CELA3A: variants seen among roughly 807,000 people sequenced by gnomAD.
CELA3A encodes the protein chymotrypsin like elastase 3A.
A neutral mutation model predicts 38.6 loss-of-function variants in CELA3A; 35 were observed. That is an observed-to-expected ratio of 0.91 (90% confidence interval 0.69 to 1.20). CELA3A has a LOEUF of 1.20. Among genes scored for constraint, CELA3A ranks in the 50% most tolerant of loss-of-function variants. The pLI is 0.00. For synonymous variants in CELA3A, 143 were observed against 136.7 expected, an observed-to-expected ratio of 1.05 and a Z score of -0.32; for missense variants, 343 against 354.2, an observed-to-expected ratio of 0.97 and a Z score of 0.25.
intron 1 of CELA3A, 42 bp downstream of exon 1, chr1:22,001,759 G>C (rs774649414): frequency 5.0e-6 from 8 of 1,608,998 alleles, no homozygotes; most frequent in Non-Finnish European, 6.8e-6. Flanking sequence ...GGCTGCCCTG[G>C]ACTAGGAATC....
In CELA3A at chr1:22,011,797, G is replaced by C. The variant is rs1274700151; in HGVS notation, c.796-653G>C. Reference sequence around the variant, plus strand: ...AGGCCGGGCGTGGTGGCTCACACCCGTAATCCCACCACTTTGGGAGGCCGA... The same window carrying C: ...AGGCCGGGCGTGGTGGCTCACACCCCTAATCCCACCACTTTGGGAGGCCGA... On this transcript the variant is annotated intron_variant, in intron 7 of 7. Transcript: ENST00000290122. Among the ~76,000 whole-genome samples, 2 of 124,844 alleles carry C rather than the reference G, an allele frequency of 1.6e-5. 1 individual carries two copies. Among genetic ancestry groups the C allele is most frequent in the African/African-American group, 6.6e-5 (2 of 30,440 alleles). 81.9% of individuals were successfully genotyped at this position (124,844 alleles called of 152,430 possible). A position where few individuals can be genotyped will look rare whatever the true frequency, so the allele number is the denominator to read the frequency against.
chr1:22,007,346 C>T (rs1644957223), intron 5 of CELA3A, 27 bp from the exon 6 acceptor site: 3 of 1,596,266 alleles, frequency 1.9e-6, no homozygotes, highest in East Asian at 2.2e-5. Flanking sequence ...CCCCAGACCC[C>T]TGACTCGGTG....
chr1:22,007,281 CAGA>C lies in CELA3A; in HGVS notation c.500-87_500-85del, dbSNP rs1374797400. ...GGTGGGAGGAGAGTCCTCATCAGGG[CAGA>C]AGAACTGTGGGCCTTGAATGCCCCC... On this transcript the variant is annotated intron_variant, in intron 5 of 7. Transcript: ENST00000290122. The C allele has an allele frequency of 8.0e-6, 12 of 1,504,706 alleles. No homozygotes were observed. The East Asian group carries it at 1.4e-4, about 17-fold the overall frequency. 93.2% of individuals were successfully genotyped at this position (1,504,706 alleles called of 1,614,324 possible).
rs375436924 is a variant in CELA3A at position 22,005,812 on chromosome 1, G to A, written c.362+16G>A. The A allele has an allele frequency of 7.2e-5, 116 of 1,610,222 alleles. 1 individual carries two copies. Among genetic ancestry groups the A allele is most frequent in the Middle Eastern group, 2.2e-4 (1 of 4,538 alleles). On this transcript the variant is annotated intron_variant, in intron 4 of 7. Coordinates refer to ENST00000290122, the MANE Select transcript of CELA3A (RefSeq NM_005747.5). ...TGGCCTGTGGGTGAGTGAATGCTCC[G>A]GTCTGGAACCCAGGGGCTCCTCTAC...
chr1:22,004,206 G>A lies in CELA3A; in HGVS notation c.129+1118G>A, dbSNP rs180914217. On this transcript the variant is annotated intron_variant, in intron 2 of 7. Coordinates refer to ENST00000290122, the MANE Select transcript of CELA3A (RefSeq NM_005747.5). ...CCCACCTCAGCCTCCTGTGTAGCTA[G>A]GACTACAGGCATGCGCCACCATGCC... 1.1e-3 allele frequency among the ~76,000 whole-genome samples: 166 copies of A among 150,168 alleles called. 5 individuals are homozygous for A. The highest frequency in any genetic ancestry group is 3.9e-3 in the African/African-American group (158 of 40,352).
rs1644942750 is a variant in CELA3A at position 22,005,333 on chromosome 1, T to C, written c.130-114T>C. On this transcript the variant is annotated intron_variant, in intron 2 of 7. Transcript: ENST00000290122. ...GCATATTTCAGTGGGTGCTCTCGTT[T>C]TCCATGTGAATGGCGCCCTCTAGAG... The C allele has an allele frequency of 1.3e-5, 17 of 1,310,096 alleles. No homozygotes were observed. The South Asian group carries it at 2.1e-4, about 16-fold the overall frequency. The allele number at this position is 1,310,096 out of a possible 1,614,324, so 81.2% of individuals were successfully genotyped here.
At chr1:22,003,856 C>T (rs773360438) in intron 2 of CELA3A, among the ~76,000 whole-genome samples, 1 of 150,448 alleles carries the variant, frequency 6.6e-6, no homozygotes, top group South Asian at 2.1e-4. Flanking sequence ...AGGCACGCGC[C>T]ACCAAGCCCG....
In CELA3A at chr1:22,004,050, T is replaced by C. The variant is rs1203694816; in HGVS notation, c.129+962T>C. ...TGTTAACAATTCATTTCCTCAGTGC[T>C]TTTTTCTTTTCTTTTCTTTTCTTTG... On this transcript the variant is annotated intron_variant, in intron 2 of 7. Coordinates refer to ENST00000290122, the MANE Select transcript of CELA3A (RefSeq NM_005747.5). Among the ~76,000 whole-genome samples, 2 of 143,990 alleles carry C rather than the reference T, an allele frequency of 1.4e-5. 1 individual carries two copies. Among genetic ancestry groups the C allele is most frequent in the East Asian group, 4.0e-4 (2 of 4,966 alleles). The allele number at this position is 143,990 out of a possible 152,430, so 94.5% of individuals were successfully genotyped here.
At chr1:22,006,164 G>T (rs1644948868) in intron 4 of CELA3A, 1 of 251,700 alleles carries the variant, frequency 4.0e-6, no homozygotes, top group African/African-American at 2.2e-5. Flanking sequence ...TGCATCCTGG[G>T]CTCCCAGCAC....
chr1:22,008,587 G>A (rs1447826772), intron 6 of CELA3A, among the ~76,000 whole-genome samples: 2 of 150,312 alleles, frequency 1.3e-5, no homozygotes, highest in Non-Finnish European at 3.0e-5. Flanking sequence ...GTGAAACCTC[G>A]TCTCTACTAA....
chr1:22,003,790 C>T (rs377336767), intron 2 of CELA3A, among the ~76,000 whole-genome samples: 2 of 151,002 alleles, frequency 1.3e-5, no homozygotes, highest in African/African-American at 4.9e-5. Context: ...ACTGCAAACT[C>T]TGCCACCCGG....
At chr1:22,004,848 C>T (rs1644939510) in intron 2 of CELA3A, among the ~76,000 whole-genome samples, 2 of 151,146 alleles carry the variant, frequency 1.3e-5, no homozygotes, top group Non-Finnish European at 2.9e-5. Context: ...GCCTGTAATC[C>T]CAGCACTTCG....
chr1:22,010,180 G>C (rs952375294), intron 7 of CELA3A: 1 of 393,540 alleles, frequency 2.5e-6, no homozygotes, highest in African/African-American at 2.2e-5. Flanking sequence ...GCCTGGTGGG[G>C]GACAGGTGAT....
At chr1:22,009,603 G>T in intron 6 of CELA3A, 102 bp from the exon 7 acceptor site, 6 of 1,416,008 alleles carry the variant, frequency 4.2e-6, no homozygotes, top group Non-Finnish European at 5.8e-6. Flanking sequence ...AGGCTCAGAG[G>T]TGTCAAGTAA....
chr1:22,003,459 T>C (rs567361140), intron 2 of CELA3A, among the ~76,000 whole-genome samples: 9 of 150,744 alleles, frequency 6.0e-5, no homozygotes, highest in South Asian at 2.1e-4. Context: ...GAGTGAGGGA[T>C]CTTGTAAGGC....
chr1:22,007,758 G>C lies in CELA3A; in HGVS notation c.642+243G>C, dbSNP rs534777014. Among the ~76,000 whole-genome samples, 4 of 151,324 alleles carry C rather than the reference G, an allele frequency of 2.6e-5. No homozygotes were observed. In the South Asian group the frequency reaches 6.3e-4, roughly 24 times the overall value. ...TTGGGACAAGTCACTGTGTCTCCCTGGTCCTCAGGCTTCCGCATCAGCACA... is the reference window on the plus strand; with the variant it reads ...TTGGGACAAGTCACTGTGTCTCCCTCGTCCTCAGGCTTCCGCATCAGCACA... On this transcript the variant is annotated intron_variant, in intron 6 of 7. Coordinates refer to ENST00000290122, the MANE Select transcript of CELA3A (RefSeq NM_005747.5).
At chr1:22,006,844 G>T (rs1557873343) in intron 4 of CELA3A, 34 bp from the exon 5 acceptor site, 1 of 1,605,322 alleles carries the variant, frequency 6.2e-7, no homozygotes, top group Non-Finnish European at 8.5e-7. Context: ...GCCGGCTGGA[G>T]GACCAGGCCC....
chr1:22,005,703 T>A lies in CELA3A; in HGVS notation c.269T>A (p.Leu90His). 7.4e-6 allele frequency: 12 copies of A among 1,612,184 alleles called. No individual in the cohort carries two copies. Among genetic ancestry groups the A allele is most frequent in the Non-Finnish European group, 1.0e-5 (12 of 1,179,416 alleles). Residue 90 changes from leucine to histidine, a missense_variant, in exon 4 of 8, where the codon CTT becomes CAT. Transcript: ENST00000290122. Reference protein sequence around the residue: ...TYQVVLGEYNLAVKEGPEQVI... With the variant: ...TYQVVLGEYNHAVKEGPEQVI... ...CAGGTGGTGTTGGGTGAGTACAACC[T>A]TGCTGTGAAGGAGGGCCCCGAGCAG...
chr1:22,009,577 A>G, intron 6 of CELA3A, 128 bp from the exon 7 acceptor site: 1 of 1,208,112 alleles, frequency 8.3e-7, no homozygotes, highest in Non-Finnish European at 1.1e-6. Flanking sequence ...TAAATGATAA[A>G]AAAATGAGCG....
Sources: gnomAD v4.1 joint callset for allele counts (sites outside exome capture counted in the v4.1 genomes callset) on GRCh38, gnomAD v4.1.1 for gene constraint, MANE v1.5 for transcripts, NCBI Gene and HGNC (gene_info 2026-07-23, HGNC 2026-07-21) for gene names.